SLC9B2: variants seen among roughly 807,000 people sequenced by gnomAD.
The protein encoded by SLC9B2 is solute carrier family 9 member B2.
In SLC9B2, 39 loss-of-function variants were observed where a neutral mutation model predicts 52.2. The observed-to-expected ratio is 0.75, with a 90% confidence interval of 0.58 to 0.98. The LOEUF is 0.98. SLC9B2 is among the 50% of genes least tolerant of loss of function. The pLI is 0.00. For synonymous variants in SLC9B2, 214 were observed against 227.0 expected, an observed-to-expected ratio of 0.94 and a Z score of 0.51; for missense variants, 626 against 637.5, an observed-to-expected ratio of 0.98 and a Z score of 0.19.
intron 9 of SLC9B2, 74 bp from the exon 10 acceptor site, chr4:103,031,882 G>C (rs1742737271): frequency 2.1e-6 from 3 of 1,443,122 alleles, no homozygotes; most frequent in East Asian, 4.9e-5. Context: ...ATTAATTTGA[G>C]GTTTGAATTA....
intron 2 of SLC9B2, 132 bp downstream of exon 2, chr4:103,067,329 G>T: frequency 1.4e-6 from 1 of 714,428 alleles, no homozygotes; most frequent in Non-Finnish European, 2.4e-6. Flanking sequence ...GGTAGGGTCA[G>T]CTGGCAATGA....
chr4:103,055,560 T>C (rs1745057052), intron 4 of SLC9B2, among the ~76,000 whole-genome samples: 1 of 152,080 alleles, frequency 6.6e-6, no homozygotes, highest in Non-Finnish European at 1.5e-5. Flanking sequence ...TACTTCTTTT[T>C]ATATTTAACT....
At chr4:103,068,546 G>A (rs773499815) in intron 1 of SLC9B2, among the ~76,000 whole-genome samples, 2 of 152,202 alleles carry the variant, frequency 1.3e-5, no homozygotes, top group Non-Finnish European at 2.9e-5. Flanking sequence ...CTCTATTTAG[G>A]ATAGTAGATA....
At chr4:103,060,506 GT>G (rs1226937999) in intron 3 of SLC9B2, among the ~76,000 whole-genome samples, 2 of 124,606 alleles carry the variant, frequency 1.6e-5, no homozygotes, top group Non-Finnish European at 3.5e-5. Flanking sequence ...TTTGAAATCT[GT>G]TTTTTTGTTT....
intron 1 of SLC9B2, among the ~76,000 whole-genome samples, chr4:103,072,391 TCAAATGAAACCTAATCCTTAAATCCTA>T (rs1399211190): frequency 6.6e-6 from 1 of 152,176 alleles, no homozygotes; most frequent in Non-Finnish European, 1.5e-5. Flanking sequence ...ATATCTTTCA[TCAAATGAAACCTAATCCTTAAATCCTA>T]CAAATGGAAC....
downstream of SLC9B2, chr4:103,019,823 G>C: frequency 1.0e-6 from 1 of 985,664 alleles, no homozygotes; most frequent in Middle Eastern, 5.2e-4. Flanking sequence ...GGACTGTCTG[G>C]TGTGTTTTCT....
chr4:103,051,776 T>C (rs1744709079), intron 4 of SLC9B2, among the ~76,000 whole-genome samples: 1 of 152,230 alleles, frequency 6.6e-6, no homozygotes, highest in Non-Finnish European at 1.5e-5. Flanking sequence ...GTATAAGCTC[T>C]TTTGTGCTGG....
intron 11 of SLC9B2, among the ~76,000 whole-genome samples, chr4:103,028,484 T>C (rs1742414807): frequency 6.6e-6 from 1 of 152,134 alleles, no homozygotes; most frequent in South Asian, 2.1e-4. Context: ...TTCTCTCCTG[T>C]TACTACTGCT....
chr4:103,047,030 GT>G lies in SLC9B2; in HGVS notation c.889+20del. ...TCCCTAGAATGCAAGAGTAAAGCCTGTTGTGAACTGATTAGGTTACCTGTGG... is the reference window on the plus strand; with the variant it reads ...TCCCTAGAATGCAAGAGTAAAGCCTGTGTGAACTGATTAGGTTACCTGTGG... On this transcript the variant is annotated intron_variant, in intron 7 of 11. Coordinates refer to ENST00000394785, the MANE Select transcript of SLC9B2 (RefSeq NM_178833.7). The G allele has an allele frequency of 4.3e-6, 7 of 1,611,764 alleles. No homozygotes were observed. The highest frequency in any genetic ancestry group is 5.9e-6 in the Non-Finnish European group (7 of 1,178,394).
intron 3 of SLC9B2, among the ~76,000 whole-genome samples, chr4:103,063,233 T>G (rs778308614): frequency 6.6e-6 from 1 of 152,368 alleles, no homozygotes; most frequent in Middle Eastern, 3.4e-3. Context: ...GGTATTCAAT[T>G]ATCTGTGATC....
chr4:103,045,993 A>G (rs1486877013), intron 7 of SLC9B2, among the ~76,000 whole-genome samples: 1 of 152,188 alleles, frequency 6.6e-6, no homozygotes, highest in Non-Finnish European at 1.5e-5. Context: ...TAGGTAAGAG[A>G]GCATCCTCAA....
At position 103,041,868 on chromosome 4, in the gene SLC9B2, T is replaced by C. The variant is rs115953763; in HGVS notation, c.1146+1428A>G. On this transcript the variant is annotated intron_variant, in intron 9 of 11. Coordinates refer to ENST00000394785, the MANE Select transcript of SLC9B2 (RefSeq NM_178833.7). The stretch of plus-strand genomic sequence containing the variant: ...GACCTTGGACATGTTATTTAAGTCT[T>C]TCTGACTTACAGCTTCTATAAGGTA... Among the ~76,000 whole-genome samples, 901 of 152,308 alleles carry C rather than the reference T, an allele frequency of 5.9e-3. 8 individuals carry two copies. Among genetic ancestry groups the C allele is most frequent in the Non-Finnish European group, 9.0e-3 (610 of 67,992 alleles).
At chr4:103,045,435 T>A (rs1361353639) in intron 7 of SLC9B2, among the ~76,000 whole-genome samples, 1 of 152,148 alleles carries the variant, frequency 6.6e-6, no homozygotes, top group African/African-American at 2.4e-5. Context: ...GATAGTAGCA[T>A]TATGCTTAAG....
chr4:103,058,017 T>A (rs773105257), intron 3 of SLC9B2, 46 bp from the exon 4 acceptor site: 2 of 1,513,976 alleles, frequency 1.3e-6, no homozygotes, highest in East Asian at 4.6e-5. Flanking sequence ...AGTTGTCACA[T>A]GGAGGTTTTG....
chr4:103,054,646 T>C (rs1744969083), intron 4 of SLC9B2, among the ~76,000 whole-genome samples: 1 of 152,206 alleles, frequency 6.6e-6, no homozygotes, highest in African/African-American at 2.4e-5. Context: ...TATTAATTTA[T>C]AAAGAGAATT....
intron 3 of SLC9B2, among the ~76,000 whole-genome samples, chr4:103,063,793 C>G (rs1745869810): frequency 6.6e-6 from 1 of 152,100 alleles, no homozygotes; most frequent in South Asian, 2.1e-4. Context: ...AAACTATGTA[C>G]CTGGCAAGGA....
chr4:103,073,989 G>C (rs1285080155), intron 1 of SLC9B2, among the ~76,000 whole-genome samples: 1 of 152,166 alleles, frequency 6.6e-6, no homozygotes, highest in Non-Finnish European at 1.5e-5. Flanking sequence ...ATTGGCTAAG[G>C]AGTGAGCATG....
At chr4:103,057,244 GTA>G (rs56742547) in intron 4 of SLC9B2, among the ~76,000 whole-genome samples, 8,447 of 136,894 alleles carry the variant, frequency 0.062, 439 homozygotes, top group African/African-American at 0.15. Flanking sequence ...TTAATTTTAA[GTA>G]TATATATATA....
intron 4 of SLC9B2, among the ~76,000 whole-genome samples, chr4:103,055,515 T>C (rs1283436905): frequency 6.6e-6 from 1 of 152,212 alleles, no homozygotes; most frequent in Admixed American, 6.5e-5. Context: ...TAGAAATACA[T>C]TGAGAAATGG....
Sources: allele counts gnomAD v4.1 joint callset (sites outside exome capture counted in the v4.1 genomes callset), GRCh38; gene constraint gnomAD v4.1.1; transcripts MANE v1.5; gene names NCBI Gene and HGNC (gene_info 2026-07-23, HGNC 2026-07-21).